Variants in ZNF429 observed in about 807,000 individuals in gnomAD.
ZNF429 encodes zinc finger protein 429.
In ZNF429, 53 loss-of-function variants were observed where a neutral mutation model predicts 56.8. The observed-to-expected ratio is 0.93, with a 90% CI of 0.75 to 1.17. The LOEUF (loss-of-function observed/expected upper bound fraction) is 1.17. ZNF429 is among the 50% of genes most tolerant of loss of function. The pLI, the probability that ZNF429 is intolerant of heterozygous loss-of-function variation, is 0.00. For synonymous variants in ZNF429, 278 were observed against 264.7 expected (o/e 1.05, Z -0.49); for missense variants, 849 against 788.4 (o/e 1.08, Z -0.92).
chr19:21,530,697 G>A lies in ZNF429; in HGVS notation c.226+13G>A. On this transcript the variant is annotated intron_variant, in intron 3 of 3. Coordinates refer to ENST00000358491, the MANE Select transcript of ZNF429 (RefSeq NM_001001415.4). ...GATGAACCCCCAGGTAGGTGAGAGT[G>A]AACACAACAGACAACACAGATGAGA... is the stretch of plus-strand genomic sequence containing the variant. The A allele has an allele frequency of 1.9e-6, 3 of 1,592,956 alleles. No homozygotes were observed. Among genetic ancestry groups the A allele is most frequent in the Middle Eastern group, 1.7e-4 (1 of 6,004 alleles).
intron 1 of ZNF429, among the ~76,000 whole-genome samples, chr19:21,515,240 C>CTTTTTTTT (rs35926199): frequency 3.1e-5 from 4 of 128,132 alleles, no homozygotes; most frequent in East Asian, 2.3e-4. Context: ...TGTGCCTGGC[C>CTTTTTTTT]TTTTTTTTTT....
intron 1 of ZNF429, among the ~76,000 whole-genome samples, chr19:21,507,974 C>T (rs1169747678): frequency 6.6e-6 from 1 of 152,160 alleles, no homozygotes; most frequent in African/African-American, 2.4e-5. Flanking sequence ...GTATCTCTGC[C>T]AGGCACGGTG....
At position 21,537,863 on chromosome 19, in the gene ZNF429, C is replaced by G. The variant is rs774041767; in HGVS notation, c.1810C>G (p.Arg604Gly). The G allele has an allele frequency of 2.5e-6, 4 of 1,613,934 alleles. No homozygotes were observed. Among genetic ancestry groups the G allele is most frequent in the Non-Finnish European group, 3.4e-6 (4 of 1,180,004 alleles). Residue 604 changes from arginine (R) to glycine (G), a missense_variant, in exon 4 of 4, where the codon CGG becomes GGG. Physicochemically the swap from Arg to Gly is moderately radical, Grantham distance 125. Coordinates refer to ENST00000358491, the MANE Select transcript of ZNF429 (RefSeq NM_001001415.4). ...TGAAGAATGTGGCAAAGCTTTTAAT[C>G]GGTCCTCAAGACTTACTCAACATAA... ...KCEECGKAFN[R>G]SSRLTQHKKI... is the part of the protein sequence containing the mutation.
chr19:21,525,113 G>C (rs947622672), intron 1 of ZNF429, among the ~76,000 whole-genome samples: 6 of 151,994 alleles, frequency 3.9e-5, no homozygotes, highest in Admixed American at 1.3e-4. Context: ...AAAAAACTTG[G>C]GCTTTATTTG....
Position 21,536,997 on chromosome 19 carries a change from G to A in ZNF429, c.944G>A (p.Cys315Tyr), listed in dbSNP as rs1365628863. The A allele has an allele frequency of 6.2e-7, 1 of 1,613,878 alleles. No individual in the cohort carries two copies. Among genetic ancestry groups the A allele is most frequent in the Non-Finnish European group, 8.5e-7 (1 of 1,179,944 alleles). Residue 315 changes from cysteine (C) to tyrosine (Y), a missense_variant, in exon 4 of 4, where the codon TGT becomes TAT. Transcript: ENST00000358491. ...IIHTEEKPYKCKECGKAFNRS... is the reference protein window; with the variant it reads ...IIHTEEKPYKYKECGKAFNRS... ...CATACTGAAGAGAAACCCTACAAAT[G>A]TAAAGAATGTGGCAAAGCCTTTAAC...
Position 21,538,202 on chromosome 19 carries a change from C to G in ZNF429, c.*124C>G, listed in dbSNP as rs1599498177. On this transcript the variant is annotated 3_prime_UTR_variant, in exon 4 of 4. Transcript: ENST00000358491. Reference sequence around the variant, plus strand: ...GCTGAGGCAGGAGAATGGCCTGAACCCGGAGGTGGAGCTTGCATTGAGCCA... The same window carrying G: ...GCTGAGGCAGGAGAATGGCCTGAACGCGGAGGTGGAGCTTGCATTGAGCCA... 2.4e-6 allele frequency: 1 copy of G among 416,040 alleles called. No individual in the cohort carries two copies. The allele number at this position is 416,040 out of a possible 1,614,324, so 25.8% of individuals were successfully genotyped here.
Position 21,540,365 on chromosome 19 carries a change from A to T in ZNF429, c.*2287A>T, listed in dbSNP as rs1449197976. Among the ~76,000 whole-genome samples, 5 of 152,042 alleles carry T rather than the reference A, an allele frequency of 3.3e-5. No individual in the cohort carries two copies. Among genetic ancestry groups the T allele is most frequent in the African/African-American group, 4.8e-5 (2 of 41,402 alleles). ...AAGTTAATATTGTTCCCATAGGTTAAATATTTATCCTTTTTTTGATATTTA... is the reference window on the plus strand; with the variant it reads ...AAGTTAATATTGTTCCCATAGGTTATATATTTATCCTTTTTTTGATATTTA... On this transcript the variant is annotated 3_prime_UTR_variant, in exon 4 of 4. Transcript: ENST00000358491.
chr19:21,536,793 A>G lies in ZNF429; in HGVS notation c.740A>G (p.His247Arg), dbSNP rs779776849. 8 of 1,614,034 alleles carry G rather than the reference A, an allele frequency of 5.0e-6. No individual in the cohort carries two copies. The highest frequency in any genetic ancestry group is 1.7e-4 in the Middle Eastern group (1 of 6,060). The change falls in exon 4 of 4, where the codon CAT becomes CGT. Residue 247 changes from histidine to arginine, a missense_variant. By Grantham distance (29) the His-to-Arg change is conservative. Coordinates refer to ENST00000358491, the MANE Select transcript of ZNF429 (RefSeq NM_001001415.4). ...AACCACTACTCAACCCTTACTAACC[A>G]TAAGAGAATTCATACTGGAGAGAAA... ...AFNHYSTLTN[H>R]KRIHTGEKPY... is the part of the protein sequence containing the mutation.
chr19:21,511,849 C>T (rs546729907), intron 1 of ZNF429, among the ~76,000 whole-genome samples: 134 of 152,216 alleles, frequency 8.8e-4, no homozygotes, highest in African/African-American at 2.8e-3. Context: ...CTGAGGCTGG[C>T]GGATCACTCA....
In ZNF429 at chr19:21,522,706, T is replaced by C. The variant is rs1460846775; in HGVS notation, c.4-6952T>C. ...TGAGGTCAGGAGTTTGAGACCAGCT[T>C]GGCCAACATGGTGAAACCCTGTCTC... On this transcript the variant is annotated intron_variant, in intron 1 of 3. Transcript: ENST00000358491. Among the ~76,000 whole-genome samples the C allele has an allele frequency of 3.3e-5, 5 of 152,182 alleles. No homozygotes were observed. In the East Asian group the frequency reaches 9.7e-4, roughly 30 times the overall value.
chr19:21,539,544 C>T lies in ZNF429; in HGVS notation c.*1466C>T, dbSNP rs553420641. Among the ~76,000 whole-genome samples the T allele has an allele frequency of 2.6e-5, 4 of 151,662 alleles. No homozygotes were observed. The East Asian group carries it at 7.8e-4, about 29-fold the overall frequency. On this transcript the variant is annotated 3_prime_UTR_variant, in exon 4 of 4. Coordinates refer to ENST00000358491, the MANE Select transcript of ZNF429 (RefSeq NM_001001415.4). ...TCAAGCAGTTCTCCTGCCACAGCCT[C>T]CTGAGTAGCTGGGAATACAGGCATA... is the stretch of plus-strand genomic sequence containing the variant.
chr19:21,515,143 G>A (rs1405543271), intron 1 of ZNF429, among the ~76,000 whole-genome samples: 1 of 150,304 alleles, frequency 6.7e-6, no homozygotes, highest in East Asian at 2.0e-4. Flanking sequence ...GTTTCTCCAT[G>A]TTGGCCAGAC....
intron 1 of ZNF429, among the ~76,000 whole-genome samples, chr19:21,506,771 T>TG (rs916914649): frequency 1.5e-4 from 22 of 145,092 alleles, no homozygotes; most frequent in Admixed American, 6.9e-5. Context: ...TTTTTTGTTT[T>TG]TTTTTTTTTT....
At chr19:21,522,988 G>A (rs888486361) in intron 1 of ZNF429, among the ~76,000 whole-genome samples, 3 of 152,110 alleles carry the variant, frequency 2.0e-5, no homozygotes, top group African/African-American at 7.2e-5. Context: ...CTTCTAGAGG[G>A]ATTAGATTTG....
At chr19:21,514,503 C>T (rs2032645320) in intron 1 of ZNF429, among the ~76,000 whole-genome samples, 1 of 152,024 alleles carries the variant, frequency 6.6e-6, no homozygotes, top group African/African-American at 2.4e-5. Context: ...CTGCAAAGGA[C>T]ATGATCTTGT....
intron 1 of ZNF429, 35 bp from the exon 2 acceptor site, chr19:21,529,623 T>TTC (rs747773822): frequency 7.3e-7 from 1 of 1,377,582 alleles, no homozygotes; most frequent in East Asian, 2.5e-5. Context: ...TTCTCTCTCT[T>TTC]TCTCTCTCCT....
chr19:21,536,883 G>T lies in ZNF429; in HGVS notation c.830G>T (p.Arg277Ile), dbSNP rs199693920. 3,481 of 1,612,002 alleles carry T rather than the reference G, an allele frequency of 2.2e-3. 101 individuals carry two copies. In the South Asian group the frequency reaches 0.036, roughly 17 times the overall value. The change falls in exon 4 of 4, where the codon AGA becomes ATA. Residue 277 changes from arginine (R) to isoleucine (I), a missense_variant. Physicochemically the swap from Arg to Ile is moderately conservative, Grantham distance 97. Transcript: ENST00000358491. ...SRYSTLTTHK[R>I]IHSGEKPYKC... is the part of the protein sequence containing the mutation. Reference sequence around the variant, plus strand: ...TACTCAACCCTTACTACCCATAAGAGAATTCATTCTGGAGAGAAGCCCTAC... The same window carrying T: ...TACTCAACCCTTACTACCCATAAGATAATTCATTCTGGAGAGAAGCCCTAC...
chr19:21,538,111 A>C lies in ZNF429; in HGVS notation c.*33A>C, dbSNP rs1459421967. On this transcript the variant is annotated 3_prime_UTR_variant, in exon 4 of 4. Coordinates refer to ENST00000358491, the MANE Select transcript of ZNF429 (RefSeq NM_001001415.4). The stretch of plus-strand genomic sequence containing the variant: ...AAACCCCGTCTCTACTAAAAATACA[A>C]AAAAAAAAAAAAAAAAAATTAGCCA... The C allele has an allele frequency of 1.8e-5, 2 of 111,360 alleles. No homozygotes were observed. Among genetic ancestry groups the C allele is most frequent in the East Asian group, 5.6e-4 (2 of 3,554 alleles). 6.9% of individuals were successfully genotyped at this position (111,360 alleles called of 1,614,324 possible).
chr19:21,510,057 C>T (rs975718230), intron 1 of ZNF429, among the ~76,000 whole-genome samples: 24 of 151,982 alleles, frequency 1.6e-4, no homozygotes, highest in African/African-American at 3.4e-4. Flanking sequence ...TACAGGTGCC[C>T]GCGACCATGC....
Sources: allele counts gnomAD v4.1 joint callset (sites outside exome capture counted in the v4.1 genomes callset), GRCh38; gene constraint gnomAD v4.1.1; transcripts MANE v1.5; gene names NCBI Gene and HGNC (gene_info 2026-07-23, HGNC 2026-07-21).